The following THADA variants were observed in gnomAD, a reference collection of about 807,000 sequenced individuals.
THADA encodes the protein tRNA (32-2'-O)-methyltransferase regulator THADA.
Under a neutral mutation model 219.8 loss-of-function variants are expected in THADA, and 213 were observed. The observed-to-expected ratio is 0.97, with a 90% CI of 0.87 to 1.09. The LOEUF (loss-of-function observed/expected upper bound fraction) is 1.09. Ranked by LOEUF, THADA falls within the 50% of genes least tolerant of loss-of-function variation. The probability of loss-of-function intolerance (pLI) is 0.00; values close to 1 mark genes in which losing one functional copy is unlikely to be tolerated. For missense variants in THADA, 2,956 were observed against 2,311.3 expected (o/e 1.28, Z -5.72); for synonymous variants, 1,018 against 828.9 (o/e 1.23, Z -3.92).
intron 17 of THADA, among the ~76,000 whole-genome samples, 186 bp from the exon 18 acceptor site, chr2:43,552,525 C>T (rs1454286906): frequency 6.6e-6 from 1 of 152,142 alleles, no homozygotes; most frequent in African/African-American, 2.4e-5. Context: ...AACTGAGTGT[C>T]TTTCCCTAAA....
intron 8 of THADA, among the ~76,000 whole-genome samples, chr2:43,580,582 A>G (rs2104088014): frequency 1.3e-5 from 2 of 152,266 alleles, no homozygotes; most frequent in Non-Finnish European, 2.9e-5. Flanking sequence ...TACCAGGGTT[A>G]AAAACACAAA....
At chr2:43,553,108 G>C (rs1417578400) in intron 17 of THADA, among the ~76,000 whole-genome samples, 1 of 152,168 alleles carries the variant, frequency 6.6e-6, no homozygotes, top group African/African-American at 2.4e-5. Flanking sequence ...TCACTGTATA[G>C]CCATACCACA....
intron 26 of THADA, among the ~76,000 whole-genome samples, chr2:43,459,931 A>C (rs1683429593): frequency 6.6e-6 from 1 of 152,192 alleles, no homozygotes; most frequent in Non-Finnish European, 1.5e-5. Flanking sequence ...TTCAGCACGG[A>C]AGTCTCAAAA....
chr2:43,390,987 G>C (rs1051557498), intron 29 of THADA, among the ~76,000 whole-genome samples: 1 of 152,100 alleles, frequency 6.6e-6, no homozygotes, highest in African/African-American at 2.4e-5. Context: ...AGCTTCAAAC[G>C]ATCCTGGGCT....
Position 43,560,245 on chromosome 2 carries a change from C to G in THADA, c.2452G>C (p.Val818Leu). The change falls in exon 16 of 38, where the codon GTA (valine) becomes CTA (leucine). Residue 818 changes from valine to leucine, a missense_variant. Val to Leu is a conservative substitution (Grantham distance 32). Coordinates refer to ENST00000405975, the MANE Select transcript of THADA (RefSeq NM_022065.5). ...DLLMKLSKTA[V>L]HFQDSGKLQG... ...AAAAGTCCTGATACCTGAAAATGTA[C>G]AGCTGTTTTTGATAACTTCATCAGA... The G allele has an allele frequency of 6.2e-7, 1 of 1,611,106 alleles. No individual in the cohort carries two copies. The highest frequency in any genetic ancestry group is 1.3e-5 in the African/African-American group (1 of 74,936).
chr2:43,354,198 C>A (rs1269605957), intron 29 of THADA, among the ~76,000 whole-genome samples: 1 of 151,948 alleles, frequency 6.6e-6, no homozygotes, highest in Non-Finnish European at 1.5e-5. Flanking sequence ...TCAAGTGATC[C>A]ACCCGCCTTG....
chr2:43,286,608 A>AT (rs1029720859), intron 35 of THADA, among the ~76,000 whole-genome samples: 4 of 151,790 alleles, frequency 2.6e-5, no homozygotes, highest in Admixed American at 2.6e-4. Context: ...GGGTTTGGTG[A>AT]TGGCTACTCA....
intron 22 of THADA, among the ~76,000 whole-genome samples, chr2:43,514,515 A>AATATATAATATACATAATATGTATATTTT (rs1690933573): frequency 7.3e-6 from 1 of 136,878 alleles, no homozygotes; most frequent in African/African-American, 2.7e-5. Flanking sequence ...TTTTATATAT[A>AATATATAATATACATAATATGTATATTTT]ATATATAATA....
intron 30 of THADA, among the ~76,000 whole-genome samples, chr2:43,321,282 G>C (rs561501400): frequency 6.6e-6 from 1 of 152,352 alleles, no homozygotes; most frequent in East Asian, 1.9e-4. Flanking sequence ...AATGTGAGTA[G>C]TAGAGACAGT....
chr2:43,488,256 A>G (rs1217857645), intron 25 of THADA, among the ~76,000 whole-genome samples: 1 of 152,218 alleles, frequency 6.6e-6, no homozygotes, highest in Admixed American at 6.5e-5. Context: ...CTATATTAAC[A>G]AAGTGTGAAG....
intron 21 of THADA, 58 bp downstream of exon 21, chr2:43,541,101 A>T (rs1695236878): frequency 1.4e-6 from 2 of 1,420,882 alleles, no homozygotes; most frequent in South Asian, 3.4e-5. Flanking sequence ...TTATAAAAAA[A>T]AAAGTGATTT....
At chr2:43,413,375 A>G (rs1558721111) in intron 28 of THADA, among the ~76,000 whole-genome samples, 1 of 152,144 alleles carries the variant, frequency 6.6e-6, no homozygotes, top group African/African-American at 2.4e-5. Flanking sequence ...CTGAATCGTA[A>G]GTCAGCAGTC....
intron 28 of THADA, among the ~76,000 whole-genome samples, chr2:43,405,400 T>C (rs1415342202): frequency 6.6e-6 from 1 of 152,230 alleles, no homozygotes; most frequent in African/African-American, 2.4e-5. Flanking sequence ...GTATTAAATA[T>C]GTTTTTGTTA....
chr2:43,407,468 T>C (rs913412307), intron 28 of THADA, among the ~76,000 whole-genome samples: 3 of 152,208 alleles, frequency 2.0e-5, no homozygotes, highest in Non-Finnish European at 4.4e-5. Flanking sequence ...AGTACTCTAA[T>C]TCTAGTCCAA....
intron 36 of THADA, among the ~76,000 whole-genome samples, chr2:43,238,407 A>G (rs1001607056): frequency 2.8e-4 from 43 of 152,190 alleles, no homozygotes; most frequent in Non-Finnish European, 1.2e-4. Flanking sequence ...GAAAATGCAA[A>G]TCAAAACCCC....
chr2:43,540,568 A>C (rs552985290), intron 21 of THADA, among the ~76,000 whole-genome samples: 1 of 152,320 alleles, frequency 6.6e-6, no homozygotes, highest in East Asian at 1.9e-4. Flanking sequence ...TATGGAAAGG[A>C]AGAGGGAATC....
chr2:43,390,987 G>A (rs1051557498), intron 29 of THADA, among the ~76,000 whole-genome samples: 4 of 152,100 alleles, frequency 2.6e-5, no homozygotes, highest in East Asian at 1.9e-4. Context: ...AGCTTCAAAC[G>A]ATCCTGGGCT....
chr2:43,354,944 T>A (rs1298020173), intron 29 of THADA, among the ~76,000 whole-genome samples: 1 of 152,198 alleles, frequency 6.6e-6, no homozygotes, highest in East Asian at 1.9e-4. Flanking sequence ...TCCTTGGCAC[T>A]TCTCCTTGCT....
chr2:43,508,388 T>G (rs1244165583), intron 23 of THADA, among the ~76,000 whole-genome samples: 1 of 152,146 alleles, frequency 6.6e-6, no homozygotes, highest in East Asian at 1.9e-4. Context: ...GATGTCTGCC[T>G]ACTTAATACA....
Sources: allele counts gnomAD v4.1 joint callset (sites outside exome capture counted in the v4.1 genomes callset), GRCh38; gene constraint gnomAD v4.1.1; transcripts MANE v1.5; gene names NCBI Gene and HGNC (gene_info 2026-07-23, HGNC 2026-07-21).